COL6A2: variants seen among roughly 807,000 people sequenced by gnomAD.
The protein encoded by COL6A2 is collagen type VI alpha 2 chain.
In COL6A2, 90 loss-of-function variants were observed where a neutral mutation model predicts 124.9. That is an observed-to-expected ratio of 0.72 (90% CI 0.61 to 0.86). The LOEUF is 0.86. Ranked by LOEUF, COL6A2 falls within the 40% of genes least tolerant of loss-of-function variation. The pLI is 0.00. For synonymous variants in COL6A2, 793 were observed against 618.2 expected (o/e 1.28, Z -4.19); for missense variants, 1,607 against 1,502.5 (o/e 1.07, Z -1.15).
chr21:46,129,915 T>A lies in COL6A2; in HGVS notation c.2462-2039T>A, dbSNP rs376981234. The A allele has an allele frequency of 3.5e-4, 319 of 917,926 alleles. No individual in the cohort carries two copies. The Middle Eastern group carries it at 0.013, about 38-fold the overall frequency. 56.9% of individuals were successfully genotyped at this position (917,926 alleles called of 1,614,324 possible). ...AGCGGCCCAGCTGGGCTGCCGTGCG[T>A]CTGGGATGGGGCTGAGGGAGGGTGC... On this transcript the variant is annotated intron_variant, in intron 27 of 27. Coordinates refer to ENST00000300527, the MANE Select transcript of COL6A2 (RefSeq NM_001849.4).
rs201259184 is a variant in COL6A2, at chr21:46,125,627, G to C, written c.1969+10G>C. On this transcript the variant is annotated intron_variant, in intron 25 of 27. Coordinates refer to ENST00000300527, the MANE Select transcript of COL6A2 (RefSeq NM_001849.4). ...CCCAAGTCCGAGACAGGTCAGCGGG[G>C]CAGGGGCGGGTGCAGCATTGCGGGG... is the stretch of plus-strand genomic sequence containing the variant. The C allele has an allele frequency of 5.8e-5, 94 of 1,611,924 alleles. No homozygotes were observed. Among genetic ancestry groups the C allele is most frequent in the Middle Eastern group, 1.6e-4 (1 of 6,084 alleles).
Position 46,124,665 on chromosome 21 carries a change from C to A in COL6A2, c.1686C>A (p.Pro562=). 1.2e-6 allele frequency: 2 copies of A among 1,612,942 alleles called. No homozygotes were observed. Among genetic ancestry groups the A allele is most frequent in the Non-Finnish European group, 1.7e-6 (2 of 1,179,934 alleles). ...GEKGEPADPG[P]PGEPGPRGPR... ...TTCCTTCTCAGGCGGATCCTGGTCCCCCTGGTGAGCCAGGCCCTCGGGGGC... is the reference window on the plus strand; with the variant it reads ...TTCCTTCTCAGGCGGATCCTGGTCCACCTGGTGAGCCAGGCCCTCGGGGGC... The change falls in exon 22 of 28, where the codon CCC becomes CCA. Residue 562 remains proline, a synonymous_variant. Coordinates refer to ENST00000300527, the MANE Select transcript of COL6A2 (RefSeq NM_001849.4).
At position 46,126,173 on chromosome 21, in the gene COL6A2, G is replaced by A. The variant is rs745807072; in HGVS notation, c.2358G>A (p.Met786Ile). The A allele has an allele frequency of 6.2e-7, 1 of 1,608,172 alleles. No individual in the cohort carries two copies. The highest frequency in any genetic ancestry group is 8.5e-7 in the Non-Finnish European group (1 of 1,179,980). ...ACDKPQQVRN[M>I]TLFSDLVAEK... ...ACAAGCCACAGCAGGTGCGCAACAT[G>A]ACGCTGTTCTCCGACCTGGTCGCTG... Residue 786 changes from methionine (M) to isoleucine (I), a missense_variant, in exon 26 of 28, where the codon ATG (methionine) becomes ATA (isoleucine). This residue lies in a region of COL6A2 where 1,223 missense variants were observed against 1,052.2 expected (regional missense o/e 1.16). Transcript: ENST00000300527.
intron 20 of COL6A2, 149 bp downstream of exon 20, chr21:46,122,680 T>C (rs2078585495): frequency 9.4e-7 from 1 of 1,068,092 alleles, no homozygotes; most frequent in Non-Finnish European, 1.4e-6. Context: ...TCACCTATGC[T>C]GAGCTCTGGG....
chr21:46,129,106 C>G, intron 27 of COL6A2: 1 of 1,605,118 alleles, frequency 6.2e-7, no homozygotes. Context: ...CCGCTCTTCA[C>G]TCTGGCCTCG....
chr21:46,118,763 C>T (rs2078515784), intron 13 of COL6A2, 87 bp downstream of exon 13: 2 of 1,455,754 alleles, frequency 1.4e-6, no homozygotes, highest in Admixed American at 1.9e-5. Context: ...GCCACCATCT[C>T]TGCTGTCACC....
Position 46,132,150 on chromosome 21 carries a change from C to G in COL6A2, c.2658C>G (p.Gly886=). ...RVALLQFGGP[G]EQQVAFPLSH... Reference sequence around the variant, plus strand: ...CGCTGCTGCAGTTTGGTGGCCCCGGCGAGCAGCAGGTGGCCTTCCCGCTGA... The same window carrying G: ...CGCTGCTGCAGTTTGGTGGCCCCGGGGAGCAGCAGGTGGCCTTCCCGCTGA... Residue 886 remains glycine, a synonymous_variant, in exon 28 of 28, where the codon GGC becomes GGG. Transcript: ENST00000300527. 2 of 1,570,152 alleles carry G rather than the reference C, an allele frequency of 1.3e-6. No homozygotes were observed. The highest frequency in any genetic ancestry group is 1.7e-6 in the Non-Finnish European group (2 of 1,159,588).
chr21:46,132,390 G>A lies in COL6A2; in HGVS notation c.2898G>A (p.Lys966=), dbSNP rs759502409. 18 of 1,609,548 alleles carry A rather than the reference G, an allele frequency of 1.1e-5. No homozygotes were observed. The highest frequency in any genetic ancestry group is 4.5e-5 in the East Asian group (2 of 44,836). Residue 966 remains lysine, a synonymous_variant, in exon 28 of 28, where the codon AAG becomes AAA. Coordinates refer to ENST00000300527, the MANE Select transcript of COL6A2 (RefSeq NM_001849.4). ...SLHESAHSMR[K]QNVVPTVLAL... is the part of the protein sequence containing the mutation. Reference sequence around the variant, plus strand: ...ACGAGTCGGCGCACTCCATGCGCAAGCAGAACGTGGTACCCACCGTGCTGG... The same window carrying A: ...ACGAGTCGGCGCACTCCATGCGCAAACAGAACGTGGTACCCACCGTGCTGG...
rs376173871 is a variant in COL6A2, at chr21:46,132,298, G to A, written c.2806G>A (p.Ala936Thr). The change falls in exon 28 of 28, where the codon GCC becomes ACC. Residue 936 changes from alanine (A) to threonine (T), a missense_variant. This residue lies in a region of COL6A2 where 1,223 missense variants were observed against 1,052.2 expected (regional missense o/e 1.16). Coordinates refer to ENST00000300527, the MANE Select transcript of COL6A2 (RefSeq NM_001849.4). Reference sequence around the variant, plus strand: ...CATCGTGCGCAGCCCGCGTGGCGGGGCCCGGAGGCACGCAGAGCTGTCCTT... The same window carrying A: ...CATCGTGCGCAGCCCGCGTGGCGGGACCCGGAGGCACGCAGAGCTGTCCTT... ...NAIVRSPRGG[A>T]RRHAELSFVF... 15 of 1,606,042 alleles carry A rather than the reference G, an allele frequency of 9.3e-6. No homozygotes were observed. The highest frequency in any genetic ancestry group is 1.2e-5 in the Non-Finnish European group (14 of 1,179,354).
At chr21:46,123,402 C>T (rs1335828572) in intron 21 of COL6A2, among the ~76,000 whole-genome samples, 1 of 151,960 alleles carries the variant, frequency 6.6e-6, no homozygotes, top group Non-Finnish European at 1.5e-5. Flanking sequence ...CACAGTTATC[C>T]CCCAGAAGGT....
intron 19 of COL6A2, 119 bp from the exon 20 acceptor site, chr21:46,122,377 G>A: frequency 7.2e-7 from 1 of 1,392,562 alleles, no homozygotes; most frequent in South Asian, 1.2e-5. Context: ...CAGCACAGTG[G>A]CCTCACCCAG....
Position 46,112,261 on chromosome 21 carries a change from T to G in COL6A2, c.398T>G (p.Phe133Cys). ...ATCAGCTCCTTCCGCCGCGGCACCT[T>G]CACCGACTGCGCGCTGGCCAACATG... The part of the protein sequence containing the change: ...QGISSFRRGT[F>C]TDCALANMTE... Residue 133 changes from phenylalanine to cysteine, a missense_variant, in exon 3 of 28, where the codon TTC becomes TGC. Coordinates refer to ENST00000300527, the MANE Select transcript of COL6A2 (RefSeq NM_001849.4). The G allele has an allele frequency of 6.2e-7, 1 of 1,612,708 alleles. No individual in the cohort carries two copies. Among genetic ancestry groups the G allele is most frequent in the East Asian group, 2.2e-5 (1 of 44,842 alleles).
intron 1 of COL6A2, among the ~76,000 whole-genome samples, chr21:46,101,578 G>C (rs2078287522): frequency 6.6e-6 from 1 of 152,176 alleles, no homozygotes; most frequent in African/African-American, 2.4e-5. Flanking sequence ...TTTGTATATG[G>C]TATTAGGTAA....
Position 46,132,469 on chromosome 21 carries a change from C to A in COL6A2, c.2977C>A (p.Arg993Ser). 1 of 1,606,156 alleles carries A rather than the reference C, an allele frequency of 6.2e-7. No homozygotes were observed. The change falls in exon 28 of 28, where the codon CGC becomes AGC. Residue 993 changes from arginine (R) to serine (S), a missense_variant. Arg to Ser is a moderately radical substitution (Grantham distance 110). Coordinates refer to ENST00000300527, the MANE Select transcript of COL6A2 (RefSeq NM_001849.4). ...DVLTTLSLGDRAAVFHEKDYD... is the reference protein window; with the variant it reads ...DVLTTLSLGDSAAVFHEKDYD... The stretch of plus-strand genomic sequence containing the variant: ...GCTCACCACGCTCAGCCTGGGTGAC[C>A]GCGCCGCCGTGTTCCACGAGAAGGA...
In COL6A2 at chr21:46,132,815, A is replaced by G. The variant is rs2078781681; in HGVS notation, c.*263A>G. 3 of 566,826 alleles carry G rather than the reference A, an allele frequency of 5.3e-6. No homozygotes were observed. The East Asian group carries it at 8.9e-5, about 17-fold the overall frequency. The allele number at this position is 566,826 out of a possible 1,614,324, so 35.1% of individuals were successfully genotyped here. Reference sequence around the variant, plus strand: ...GACCTACCTGGCCCCTGAGCTCTGGAGCAAGCCCTGACCCAATAAAGGCTT... The same window carrying G: ...GACCTACCTGGCCCCTGAGCTCTGGGGCAAGCCCTGACCCAATAAAGGCTT... On this transcript the variant is annotated 3_prime_UTR_variant, in exon 28 of 28. Coordinates refer to ENST00000300527, the MANE Select transcript of COL6A2 (RefSeq NM_001849.4).
In COL6A2 at chr21:46,126,555, C is replaced by T. The variant is rs1461447999; in HGVS notation, c.2461+14C>T. The T allele has an allele frequency of 6.2e-7, 1 of 1,613,360 alleles. No individual in the cohort carries two copies. Among genetic ancestry groups the T allele is most frequent in the African/African-American group, 1.3e-5 (1 of 75,038 alleles). On this transcript the variant is annotated intron_variant, in intron 27 of 27. Coordinates refer to ENST00000300527, the MANE Select transcript of COL6A2 (RefSeq NM_001849.4). ...CCTGCCAAACAGGTAATGCAGGGCA[C>T]CCTGAGCCACCACCCCAGACTAGCA...
At chr21:46,129,593 A>T (rs979638556) in intron 27 of COL6A2, 4 of 1,440,096 alleles carry the variant, frequency 2.8e-6, no homozygotes, top group Non-Finnish European at 3.6e-6. Context: ...GAGATCTGGA[A>T]TCGGGGTCAG....
rs781213927 is a variant in COL6A2, at chr21:46,112,591, G to A, written c.714+14G>A. ...ATCAAGGTCATGGTGAGCCGCGGGC[G>A]GGAGCACCGTCCACGCGCCAGGGGT... On this transcript the variant is annotated intron_variant, in intron 3 of 27. Transcript: ENST00000300527. 26 of 1,610,940 alleles carry A rather than the reference G, an allele frequency of 1.6e-5. No individual in the cohort carries two copies. The highest frequency in any genetic ancestry group is 1.1e-4 in the South Asian group (10 of 91,052).
At chr21:46,123,713 G>C (rs113834838) in intron 21 of COL6A2, among the ~76,000 whole-genome samples, 2 of 87,570 alleles carry the variant, frequency 2.3e-5, no homozygotes, top group Non-Finnish European at 4.9e-5. Context: ...AGATGGATGG[G>C]TGGGTGGGCG....
Sources: allele counts gnomAD v4.1 joint callset (sites outside exome capture counted in the v4.1 genomes callset), GRCh38; gene constraint gnomAD v4.1.1; regional missense constraint gnomAD v4.1.1; transcripts MANE v1.5; gene names NCBI Gene and HGNC (gene_info 2026-07-23, HGNC 2026-07-21).